The following RASGRF2 variants were observed in gnomAD, a reference collection of about 807,000 sequenced individuals.
RASGRF2 encodes the protein Ras protein specific guanine nucleotide releasing factor 2.
RASGRF2 carries 76 observed loss-of-function variants against 151.0 expected under a neutral mutation model. The observed-to-expected ratio is 0.50, with a 90% CI of 0.42 to 0.61. The LOEUF (loss-of-function observed/expected upper bound fraction) is 0.61. Among genes scored for constraint, RASGRF2 ranks in the 20% least tolerant of loss-of-function variants. The pLI is 0.00. For synonymous variants in RASGRF2, 504 were observed against 566.5 expected, an observed-to-expected ratio of 0.89 and a Z score of 1.57; for missense variants, 1,148 against 1,564.6, an observed-to-expected ratio of 0.73 and a Z score of 4.49.
At chr5:81,199,722 A>G (rs1755343651) in intron 18 of RASGRF2, among the ~76,000 whole-genome samples, 1 of 151,774 alleles carries the variant, frequency 6.6e-6, no homozygotes, top group Admixed American at 6.6e-5. Flanking sequence ...ACATGGTGAA[A>G]CCCTGTATCT....
At chr5:81,041,297 G>A (rs796635869) in intron 1 of RASGRF2, among the ~76,000 whole-genome samples, 28 of 99,912 alleles carry the variant, frequency 2.8e-4, no homozygotes, top group African/African-American at 9.0e-4. Context: ...GCAAGACTCC[G>A]TCTCAAAAAA....
chr5:81,112,836 C>G lies in RASGRF2; in HGVS notation c.2065C>G (p.Pro689Ala), dbSNP rs151071760. 58 of 1,614,076 alleles carry G rather than the reference C, an allele frequency of 3.6e-5. No homozygotes were observed. The highest frequency in any genetic ancestry group is 4.5e-5 in the East Asian group (2 of 44,894). Reference sequence around the variant, plus strand: ...GAAACTCTCCGACATATACAAGAGGCCTTTCACCTCCATCCCTGTCAGGTA... The same window carrying G: ...GAAACTCTCCGACATATACAAGAGGGCTTTCACCTCCATCCCTGTCAGGTA... The part of the protein sequence containing the change: ...LGKLSDIYKR[P>A]FTSIPVRSLE... The change falls in exon 14 of 27, where the codon CCT (proline) becomes GCT (alanine). Residue 689 changes from proline (P) to alanine (A), a missense_variant. Around this residue, in one of 5 missense-constraint regions of RASGRF2, gnomAD observed 646 missense variants for 807.4 expected, o/e 0.80. Transcript: ENST00000265080.
At chr5:80,996,688 C>T (rs532176097) in intron 1 of RASGRF2, among the ~76,000 whole-genome samples, 169 of 150,088 alleles carry the variant, frequency 1.1e-3, no homozygotes, top group African/African-American at 4.1e-3. Flanking sequence ...CAATCTCCAC[C>T]TCCTGGGTTC....
At chr5:81,037,366 A>G (rs1471072113) in intron 1 of RASGRF2, among the ~76,000 whole-genome samples, 1 of 152,146 alleles carries the variant, frequency 6.6e-6, no homozygotes, top group Non-Finnish European at 1.5e-5. Context: ...TTTTTTCCTC[A>G]TGATATTAAA....
At chr5:81,199,822 CG>C (rs1204392696) in intron 18 of RASGRF2, among the ~76,000 whole-genome samples, 2 of 144,268 alleles carry the variant, frequency 1.4e-5, no homozygotes, top group African/African-American at 5.2e-5. Flanking sequence ...CACTTGAACC[CG>C]GGAAGCGGAG....
At chr5:81,072,944 T>C (rs17211233) in intron 4 of RASGRF2, among the ~76,000 whole-genome samples, 9,441 of 152,302 alleles carry the variant, frequency 0.062, 360 homozygotes, top group South Asian at 0.14. Flanking sequence ...TATACTTGAC[T>C]GCTCAGTACC....
rs144897346 is a variant in RASGRF2, at chr5:81,167,327, C to G, written c.2687-12848C>G. 5.8e-4 allele frequency among the ~76,000 whole-genome samples: 88 copies of G among 152,282 alleles called. 2 individuals are homozygous for G. The East Asian group carries it at 0.015, about 26-fold the overall frequency. ...GGACTGGAGGCCAACCAAGACGTAG[C>G]TATTGTTTCTGCCCCATAGCAGCCT... On this transcript the variant is annotated intron_variant, in intron 17 of 26. Transcript: ENST00000265080.
intron 17 of RASGRF2, among the ~76,000 whole-genome samples, chr5:81,154,635 G>C (rs1262177088): frequency 6.6e-6 from 1 of 151,994 alleles, no homozygotes; most frequent in Non-Finnish European, 1.5e-5. Context: ...AATTATGAAA[G>C]GTATGTTTCG....
chr5:81,201,343 A>G lies in RASGRF2; in HGVS notation c.2807A>G (p.Asn936Ser), dbSNP rs1755389707. 4.3e-6 allele frequency: 7 copies of G among 1,612,704 alleles called. No individual in the cohort carries two copies. The highest frequency in any genetic ancestry group is 5.9e-6 in the Non-Finnish European group (7 of 1,179,660). ...VSKHAQDFELNNELKMNVLNL... is the reference protein window; with the variant it reads ...VSKHAQDFELSNELKMNVLNL... ...TTTATTTTACAGGATTTCGAACTCA[A>G]CAATGAACTAAAGATGAATGTCCTA... The change falls in exon 19 of 27, where the codon AAC becomes AGC. Residue 936 changes from asparagine to serine, a missense_variant. Asn to Ser is a conservative substitution (Grantham distance 46). Coordinates refer to ENST00000265080, the MANE Select transcript of RASGRF2 (RefSeq NM_006909.3).
intron 17 of RASGRF2, among the ~76,000 whole-genome samples, chr5:81,141,228 A>G (rs886204445): frequency 6.6e-6 from 1 of 152,020 alleles, no homozygotes; most frequent in African/African-American, 2.4e-5. Flanking sequence ...TTAGCAGTAA[A>G]CTCCTGAATC....
At chr5:81,112,584 C>T in intron 13 of RASGRF2, 26 bp from the exon 14 acceptor site, 1 of 1,611,588 alleles carries the variant, frequency 6.2e-7, no homozygotes, top group Non-Finnish European at 8.5e-7. Context: ...CTGGTTTTAC[C>T]ATCATGTTCC....
At chr5:81,144,699 A>G (rs960021487) in intron 17 of RASGRF2, among the ~76,000 whole-genome samples, 2 of 152,216 alleles carry the variant, frequency 1.3e-5, no homozygotes, top group Non-Finnish European at 2.9e-5. Context: ...ATAGGCATAC[A>G]ATATACTGAG....
chr5:81,033,856 C>G (rs1192827050), intron 1 of RASGRF2, among the ~76,000 whole-genome samples: 1 of 152,174 alleles, frequency 6.6e-6, no homozygotes, highest in Admixed American at 6.5e-5. Context: ...TCAGAGCGAA[C>G]AGGCAACCTA....
intron 19 of RASGRF2, among the ~76,000 whole-genome samples, chr5:81,204,632 C>G (rs926203972): frequency 6.6e-6 from 1 of 152,176 alleles, no homozygotes; most frequent in Admixed American, 6.5e-5. Flanking sequence ...CCAAAGTTGT[C>G]TAACTAGCTG....
At chr5:81,099,907 CTTTTTTT>C (rs577876645) in intron 12 of RASGRF2, among the ~76,000 whole-genome samples, 14,179 of 124,946 alleles carry the variant, frequency 0.11, 735 homozygotes, top group African/African-American at 0.16. Context: ...TTTCTTTTTT[CTTTTTTT>C]TTTTTTTTTT....
intron 13 of RASGRF2, among the ~76,000 whole-genome samples, chr5:81,111,510 C>A (rs573917328): frequency 2.0e-5 from 3 of 152,104 alleles, no homozygotes; most frequent in Admixed American, 6.5e-5. Context: ...ATTTTTAATA[C>A]CACAGAATTT....
intron 1 of RASGRF2, among the ~76,000 whole-genome samples, chr5:80,983,783 G>A (rs542137532): frequency 9.7e-4 from 148 of 152,238 alleles, no homozygotes; most frequent in Non-Finnish European, 1.9e-3. Context: ...CCATAAAAGA[G>A]CTCAATAAAT....
chr5:81,026,719 T>A (rs1750046171), intron 1 of RASGRF2, among the ~76,000 whole-genome samples: 3 of 152,150 alleles, frequency 2.0e-5, no homozygotes, highest in Admixed American at 2.0e-4. Context: ...AATGAAATGG[T>A]TTGAAAAAGC....
In RASGRF2 at chr5:81,078,208, T is replaced by C. The variant is rs563490980; in HGVS notation, c.888-1913T>C. Among the ~76,000 whole-genome samples, 207 of 152,342 alleles carry C rather than the reference T, an allele frequency of 1.4e-3. 2 individuals are homozygous for C. Among genetic ancestry groups the C allele is most frequent in the Middle Eastern group, 6.8e-3 (2 of 294 alleles). Reference sequence around the variant, plus strand: ...ATGTAAAATGATCAAATGTGGGTAATTGAGATATCCGTCACCTCAAACATT... The same window carrying C: ...ATGTAAAATGATCAAATGTGGGTAACTGAGATATCCGTCACCTCAAACATT... On this transcript the variant is annotated intron_variant, in intron 5 of 26. Transcript: ENST00000265080.
Sources: gnomAD v4.1 joint callset for allele counts (sites outside exome capture counted in the v4.1 genomes callset) on GRCh38, gnomAD v4.1.1 for gene constraint, gnomAD v4.1.1 regional missense constraint, MANE v1.5 for transcripts, NCBI Gene and HGNC (gene_info 2026-07-23, HGNC 2026-07-21) for gene names.